The following DCTN1 variants were observed in gnomAD, a reference collection of about 807,000 sequenced individuals.
The protein encoded by DCTN1 is 150 kDa dynein-associated polypeptide.
Under a neutral mutation model 161.2 loss-of-function variants are expected in DCTN1, and 61 were observed. That is an observed-to-expected ratio of 0.38 (90% CI 0.31 to 0.47). The LOEUF is 0.47. Ranked by LOEUF, DCTN1 falls within the 20% of genes least tolerant of loss-of-function variation. DCTN1 has a pLI of 0.99. For missense variants in DCTN1, 1,404 were observed against 1,623.7 expected, an observed-to-expected ratio of 0.86 and a Z score of 2.33; for synonymous variants, 653 against 632.4, an observed-to-expected ratio of 1.03 and a Z score of -0.49.
intron 8 of DCTN1, 33 bp from the exon 9 acceptor site, chr2:74,371,209 G>GC (rs1558942890): frequency 1.2e-6 from 2 of 1,610,862 alleles, no homozygotes. Flanking sequence ...TCTGTGCACA[G>GC]CCCACTCCTC....
chr2:74,376,741 C>A lies in DCTN1; in HGVS notation c.414+1G>T, dbSNP rs576198476. ...CCAGGCACAAATAGTAAACACACCA[C>A]CTTCTTAGGCTTCAGTCCCCGCTGC... On this transcript the variant is annotated splice_donor_variant, in intron 5 of 31. Coordinates refer to ENST00000628224, the MANE Select transcript of DCTN1 (RefSeq NM_004082.5). LOFTEE classifies it high-confidence loss of function. The A allele has an allele frequency of 1.0e-5, 16 of 1,604,832 alleles. No individual in the cohort carries two copies. Among genetic ancestry groups the A allele is most frequent in the South Asian group, 9.0e-5 (8 of 88,940 alleles).
chr2:74,366,397 G>A (rs562276601), intron 22 of DCTN1, 22 bp from the exon 23 acceptor site: 2 of 1,614,200 alleles, frequency 1.2e-6, no homozygotes, highest in Admixed American at 3.3e-5. Context: ...AAGGGCAGAA[G>A]TAAAAGCCCC....
At chr2:74,365,494 G>T (rs1170143030) in intron 25 of DCTN1, 21 bp downstream of exon 25, 3 of 1,614,090 alleles carry the variant, frequency 1.9e-6, no homozygotes, top group Non-Finnish European at 2.5e-6. Context: ...AGGAAGCAAG[G>T]CCCCAGGGAA....
Position 74,376,737 on chromosome 2 carries a change from A to C in DCTN1, c.414+5T>G. 1 of 1,604,612 alleles carries C rather than the reference A, an allele frequency of 6.2e-7. No homozygotes were observed. The highest frequency in any genetic ancestry group is 8.5e-7 in the Non-Finnish European group (1 of 1,175,684). On this transcript the variant is annotated splice_donor_5th_base_variant and intron_variant, in intron 5 of 31. Coordinates refer to ENST00000628224, the MANE Select transcript of DCTN1 (RefSeq NM_004082.5). ...CCACCCAGGCACAAATAGTAAACAC[A>C]CCACCTTCTTAGGCTTCAGTCCCCG...
In DCTN1 at chr2:74,365,889, T is replaced by G; in HGVS notation, c.2886+4A>C. ...CCCAGATCCTGAGCCTACACTACCC[T>G]CACCTTAATCTTGAGTGACTTCTTC... is the stretch of plus-strand genomic sequence containing the variant. On this transcript the variant is annotated splice_donor_region_variant and intron_variant, in intron 24 of 31. Coordinates refer to ENST00000628224, the MANE Select transcript of DCTN1 (RefSeq NM_004082.5). The G allele has an allele frequency of 1.2e-6, 2 of 1,614,196 alleles. No individual in the cohort carries two copies. The highest frequency in any genetic ancestry group is 1.7e-6 in the Non-Finnish European group (2 of 1,180,032).
intron 1 of DCTN1, among the ~76,000 whole-genome samples, chr2:74,378,460 A>G (rs1480169406): frequency 6.6e-6 from 1 of 152,252 alleles, no homozygotes; most frequent in Non-Finnish European, 1.5e-5. Context: ...GGAATCTGCT[A>G]GAATTTTTAA....
At chr2:74,373,427 C>T (rs1302503771) in intron 6 of DCTN1, 7 of 218,310 alleles carry the variant, frequency 3.2e-5, no homozygotes, top group Middle Eastern at 1.9e-3. Context: ...CCCCATGTGA[C>T]GAGCGTAATC....
At chr2:74,381,826 A>G (rs565664490), upstream of DCTN1, among the ~76,000 whole-genome samples, 188 of 152,322 alleles carry the variant, frequency 1.2e-3, 2 homozygotes, top group African/African-American at 4.4e-3. Context: ...AGCTGAGATA[A>G]TCCAAACAAA....
chr2:74,370,361 G>A lies in DCTN1; in HGVS notation c.1128-16C>T, dbSNP rs2103656711. On this transcript the variant is annotated splice_polypyrimidine_tract_variant and intron_variant, in intron 11 of 31. Transcript: ENST00000628224. The surrounding 1 kb of genome is among the most constrained non-coding windows in gnomAD (Gnocchi z 4.4). ...ATCCCGCATCCTGCAGGGATGTGAG[G>A]AAGGCAGAAGGAGGAAAGCACGTGT... is the stretch of plus-strand genomic sequence containing the variant. 1.2e-6 allele frequency: 2 copies of A among 1,613,978 alleles called. No individual in the cohort carries two copies. Among genetic ancestry groups the A allele is most frequent in the Non-Finnish European group, 1.7e-6 (2 of 1,180,040 alleles).
intron 25 of DCTN1, 44 bp downstream of exon 25, chr2:74,365,471 G>C: frequency 6.2e-7 from 1 of 1,613,978 alleles, no homozygotes; most frequent in Non-Finnish European, 8.5e-7. Flanking sequence ...AGCTCCAGCA[G>C]TGGGAGGATT....
chr2:74,374,119 C>A, intron 6 of DCTN1: 2 of 640,486 alleles, frequency 3.1e-6, no homozygotes, highest in Non-Finnish European at 2.9e-6. Flanking sequence ...ACAGGCAGAG[C>A]CAAAAGCAGG....
At chr2:74,374,234 A>G in intron 6 of DCTN1, 89 bp downstream of exon 6, 6 of 1,156,690 alleles carry the variant, frequency 5.2e-6, no homozygotes, top group Non-Finnish European at 7.7e-6. Context: ...TAGACAGATG[A>G]AGTCAATCAG....
rs745816209 is a variant in DCTN1, at chr2:74,369,363, C to T, written c.1521G>A (p.Gln507=). The T allele has an allele frequency of 1.9e-6, 3 of 1,614,190 alleles. No homozygotes were observed. The highest frequency in any genetic ancestry group is 1.6e-4 in the Middle Eastern group (1 of 6,062). ...TCTGCTGGTAGTCTGCAACCGTCTC[C>T]TGGGCTGCCTCCACACGCTTCTGGG... ...REAQKRVEAA[Q]ETVADYQQTI... is the part of the protein sequence containing the mutation. The change falls in exon 14 of 32, where the codon CAG becomes CAA. Residue 507 remains glutamine (Q), a synonymous_variant. Coordinates refer to ENST00000628224, the MANE Select transcript of DCTN1 (RefSeq NM_004082.5). The surrounding 1 kb of genome is among the most constrained non-coding windows in gnomAD (Gnocchi z 4.9).
chr2:74,379,963 C>G, intron 1 of DCTN1, 42 bp downstream of exon 1: 1 of 1,606,542 alleles, frequency 6.2e-7, no homozygotes, highest in Non-Finnish European at 8.5e-7. Context: ...CCAGGCCTTC[C>G]CCAGCAGCCC....
chr2:74,365,814 C>A lies in DCTN1; in HGVS notation c.2886+79G>T, dbSNP rs188947134. 1.0e-4 allele frequency: 166 copies of A among 1,613,456 alleles called. No individual in the cohort carries two copies. In the African/African-American group the frequency reaches 2.1e-3, roughly 21 times the overall value. On this transcript the variant is annotated intron_variant, in intron 24 of 31. Coordinates refer to ENST00000628224, the MANE Select transcript of DCTN1 (RefSeq NM_004082.5). ...CCCTTAACTCCCAAGCCGTCTTGGT[C>A]CCGATCCCCAACACTCACTGCTTTC...
chr2:74,368,994 CCAAACCACCACA>C (rs1674630761), intron 15 of DCTN1, 92 bp downstream of exon 15: 2 of 1,564,210 alleles, frequency 1.3e-6, no homozygotes, highest in African/African-American at 2.7e-5. Flanking sequence ...CCAGAGTCTT[CCAAACCACCACA>C]CAAAGCACCC....
At chr2:74,361,940 G>T in intron 31 of DCTN1, 112 bp downstream of exon 31, 1 of 1,176,590 alleles carries the variant, frequency 8.5e-7, no homozygotes, top group Non-Finnish European at 1.3e-6. Context: ...ATAACCCAAG[G>T]TATGCAGTTG....
Position 74,366,049 on chromosome 2 carries a change from T to C in DCTN1, c.2761-31A>G, listed in dbSNP as rs200005865. On this transcript the variant is annotated intron_variant, in intron 23 of 31. Coordinates refer to ENST00000628224, the MANE Select transcript of DCTN1 (RefSeq NM_004082.5). ...GAATGGTCGGTAGGGGGTGAGAAAGTGAGGGTGGAGAGAAGAGATCATCAC... is the reference window on the plus strand; with the variant it reads ...GAATGGTCGGTAGGGGGTGAGAAAGCGAGGGTGGAGAGAAGAGATCATCAC... 29 of 1,614,038 alleles carry C rather than the reference T, an allele frequency of 1.8e-5. No homozygotes were observed. The African/African-American group carries it at 3.6e-4, about 20-fold the overall frequency.
Position 74,366,903 on chromosome 2 carries a change from G to A in DCTN1, c.2346C>T (p.Leu782=), listed in dbSNP as rs1391095426. The change falls in exon 21 of 32, where the codon CTC becomes CTT. Residue 782 remains leucine (L), a synonymous_variant. Transcript: ENST00000628224. ...QGGQEATDIA[L]LLRDLETSCS... ...ATGAAGTTTCCAGATCCCGGAGCAG[G>A]AGGGCAATATCTGTAGCCTCCTGCC... is the stretch of plus-strand genomic sequence containing the variant. 3.7e-6 allele frequency: 6 copies of A among 1,614,088 alleles called. No individual in the cohort carries two copies. Among genetic ancestry groups the A allele is most frequent in the Non-Finnish European group, 5.1e-6 (6 of 1,180,038 alleles).
Sources: gnomAD v4.1 joint callset for allele counts (sites outside exome capture counted in the v4.1 genomes callset) on GRCh38, gnomAD v4.1.1 for gene constraint, Gnocchi (gnomAD v3.1) non-coding constraint, MANE v1.5 for transcripts, NCBI Gene and HGNC (gene_info 2026-07-23, HGNC 2026-07-21) for gene names.